FOXN3: variants seen among roughly 807,000 people sequenced by gnomAD.
FOXN3 encodes the protein forkhead box protein N3.
A neutral mutation model predicts 38.4 loss-of-function variants in FOXN3; 7 were observed. The ratio of observed to expected loss-of-function variants is 0.18; its 90% CI spans 0.10 to 0.34. The LOEUF is 0.34. Among genes scored for constraint, FOXN3 ranks in the 10% least tolerant of loss-of-function variants. FOXN3 has a pLI of 1.00. For synonymous variants in FOXN3, 230 were observed against 242.2 expected (o/e 0.95, Z 0.47); for missense variants, 456 against 613.4 (o/e 0.74, Z 2.71).
intron 1 of FOXN3, chr14:89,577,268 C>T (rs1895651629): frequency 1.3e-5 from 2 of 152,194 alleles, no homozygotes; most frequent in African/African-American, 4.8e-5. Flanking sequence ...CTAGACTCCG[C>T]TCAGTGCATT....
intron 1 of FOXN3, among the ~76,000 whole-genome samples, chr14:89,517,354 TAAAAAAAA>T (rs57430361): frequency 7.7e-6 from 1 of 129,462 alleles, no homozygotes; most frequent in South Asian, 2.6e-4. Flanking sequence ...GACCCTGTCT[TAAAAAAAA>T]AAAAAAAAAA....
At chr14:89,239,043 CA>C (rs1355775154) in intron 4 of FOXN3, among the ~76,000 whole-genome samples, 4 of 152,058 alleles carry the variant, frequency 2.6e-5, no homozygotes, top group African/African-American at 4.8e-5. Context: ...AATGATCAAC[CA>C]GGGGGAAAAG....
At chr14:89,531,489 T>C (rs1468923958) in intron 1 of FOXN3, among the ~76,000 whole-genome samples, 1 of 152,230 alleles carries the variant, frequency 6.6e-6, no homozygotes, top group African/African-American at 2.4e-5. Context: ...TCTGAAAGAA[T>C]AAGTGCCTAG....
At chr14:89,556,403 C>CA (rs1370155737) in intron 1 of FOXN3, among the ~76,000 whole-genome samples, 5,659 of 93,578 alleles carry the variant, frequency 0.06, 339 homozygotes, top group African/African-American at 0.19. Context: ...AACTCCATCT[C>CA]AAAAAAAAAA....
At chr14:89,410,436 A>G (rs1891514179) in intron 2 of FOXN3, among the ~76,000 whole-genome samples, 1 of 152,332 alleles carries the variant, frequency 6.6e-6, no homozygotes, top group East Asian at 1.9e-4. Flanking sequence ...ACACAGTCAC[A>G]TGAAAACTTA....
intron 3 of FOXN3, chr14:89,291,509 G>A (rs1014527690): frequency 6.8e-6 from 4 of 590,872 alleles, no homozygotes; most frequent in Non-Finnish European, 1.0e-5. Context: ...GCCATCCCCA[G>A]GGGGCCTGTG....
intron 1 of FOXN3, among the ~76,000 whole-genome samples, chr14:89,431,459 CCTCGGCCTCCCA>C: frequency 6.6e-6 from 1 of 152,248 alleles, no homozygotes; most frequent in Admixed American, 6.5e-5. Flanking sequence ...GATCCACCCG[CCTCGGCCTCCCA>C]AAGTGCTGGG....
intron 2 of FOXN3, among the ~76,000 whole-genome samples, chr14:89,376,845 C>T (rs1048948418): frequency 2.6e-5 from 4 of 151,612 alleles, no homozygotes; most frequent in African/African-American, 9.7e-5. Flanking sequence ...GAAACCCCGT[C>T]TCTACTAAAA....
intron 3 of FOXN3, among the ~76,000 whole-genome samples, chr14:89,282,885 A>C (rs1451876572): frequency 6.6e-6 from 1 of 152,184 alleles, no homozygotes; most frequent in African/African-American, 2.4e-5. Flanking sequence ...CTGTATGATA[A>C]AGATTCTTAC....
chr14:89,195,404 C>T (rs1888072182), intron 4 of FOXN3, among the ~76,000 whole-genome samples: 1 of 152,228 alleles, frequency 6.6e-6, no homozygotes, highest in Non-Finnish European at 1.5e-5. Context: ...AGAGAGACTA[C>T]TGGTGGTTTA....
chr14:89,611,379 C>A (rs1896383536), intron 1 of FOXN3, among the ~76,000 whole-genome samples: 1 of 152,190 alleles, frequency 6.6e-6, no homozygotes, highest in Non-Finnish European at 1.5e-5. Flanking sequence ...TTGTGTTAGA[C>A]ATGCTGCCAA....
chr14:89,387,099 A>G (rs573405940), intron 2 of FOXN3, among the ~76,000 whole-genome samples: 67 of 152,286 alleles, frequency 4.4e-4, no homozygotes, highest in Non-Finnish European at 7.8e-4. Flanking sequence ...TCTACTAAAA[A>G]TACAAAAAAT....
intron 3 of FOXN3, among the ~76,000 whole-genome samples, chr14:89,347,164 C>T (rs979388537): frequency 3.9e-5 from 6 of 152,288 alleles, no homozygotes; most frequent in Middle Eastern, 3.4e-3. Flanking sequence ...TACATCTGAA[C>T]ATGACCTTAT....
chr14:89,419,174 G>C (rs1384495059), upstream of FOXN3: 1 of 455,960 alleles, frequency 2.2e-6, no homozygotes, highest in Non-Finnish European at 4.4e-6. Flanking sequence ...AGCAAGAGAT[G>C]TGAGAAGGTG....
chr14:89,333,861 C>T (rs1211145552), intron 3 of FOXN3, among the ~76,000 whole-genome samples: 1 of 149,284 alleles, frequency 6.7e-6, no homozygotes, highest in African/African-American at 2.5e-5. Flanking sequence ...GATACTATAT[C>T]TGCATGGCAC....
intron 4 of FOXN3, among the ~76,000 whole-genome samples, chr14:89,248,125 C>T (rs1054147968): frequency 1.3e-5 from 2 of 152,158 alleles, no homozygotes; most frequent in Non-Finnish European, 2.9e-5. Context: ...TTCTGTCTGG[C>T]GCTTAGCTGG....
chr14:89,203,820 C>T (rs1405818959), intron 4 of FOXN3, among the ~76,000 whole-genome samples: 3 of 152,026 alleles, frequency 2.0e-5, no homozygotes, highest in Non-Finnish European at 4.4e-5. Context: ...TCCTCATCCA[C>T]CCAGAGCACC....
chr14:89,402,623 C>G (rs1212055712), intron 2 of FOXN3, among the ~76,000 whole-genome samples: 1 of 152,160 alleles, frequency 6.6e-6, no homozygotes, highest in East Asian at 1.9e-4. Flanking sequence ...TGGGAAAGCC[C>G]CTTAAAACCA....
chr14:89,278,131 G>GA (rs1164680102), intron 4 of FOXN3, among the ~76,000 whole-genome samples: 3 of 152,092 alleles, frequency 2.0e-5, no homozygotes, highest in Non-Finnish European at 4.4e-5. Context: ...AATTTATAAA[G>GA]AAAAAGAGGT....
Sources: gnomAD v4.1 joint callset for allele counts (sites outside exome capture counted in the v4.1 genomes callset) on GRCh38, gnomAD v4.1.1 for gene constraint, MANE v1.5 for transcripts, NCBI Gene and HGNC (gene_info 2026-07-23, HGNC 2026-07-21) for gene names.